SCEL: variants seen among roughly 807,000 people sequenced by gnomAD.
SCEL encodes the protein sciellin.
In SCEL, 113 loss-of-function variants were observed where a neutral mutation model predicts 117.6. The ratio of observed to expected loss-of-function variants is 0.96; its 90% CI spans 0.83 to 1.12. The LOEUF is 1.12. Ranked by LOEUF, SCEL falls within the 50% of genes most tolerant of loss-of-function variation. The probability of loss-of-function intolerance (pLI) is 0.00; values close to 1 mark genes in which losing one functional copy is unlikely to be tolerated. For synonymous variants in SCEL, 270 were observed against 256.2 expected, an observed-to-expected ratio of 1.05 and a Z score of -0.51; for missense variants, 785 against 810.8, an observed-to-expected ratio of 0.97 and a Z score of 0.39.
At chr13:77,625,148 A>ACCATCC (rs1056799585) in intron 27 of SCEL, among the ~76,000 whole-genome samples, 3 of 152,126 alleles carry the variant, frequency 2.0e-5, no homozygotes, top group Non-Finnish European at 4.4e-5. Context: ...ACCACTGCCC[A>ACCATCC]CCATCCCAGT....
chr13:77,624,847 G>A (rs1277005217), intron 27 of SCEL, among the ~76,000 whole-genome samples: 2 of 152,090 alleles, frequency 1.3e-5, no homozygotes, highest in African/African-American at 4.8e-5. Context: ...TTTCCCCCTG[G>A]GGTTCCTTTA....
chr13:77,602,255 T>C lies in SCEL; in HGVS notation c.977+131T>C, dbSNP rs574012204. ...TACTGCTTTGACCCATCAGACCTAG[T>C]AGGCAAAAGGAATATGTTGAGTGCT... On this transcript the variant is annotated intron_variant, in intron 16 of 32. Coordinates refer to ENST00000349847, the MANE Select transcript of SCEL (RefSeq NM_144777.3). 105 of 652,698 alleles carry C rather than the reference T, an allele frequency of 1.6e-4. No homozygotes were observed. The African/African-American group carries it at 1.8e-3, about 11-fold the overall frequency. 40.4% of individuals were successfully genotyped at this position (652,698 alleles called of 1,614,324 possible).
At chr13:77,549,896 G>C (rs2084205592) in intron 1 of SCEL, among the ~76,000 whole-genome samples, 1 of 152,068 alleles carries the variant, frequency 6.6e-6, no homozygotes, top group Admixed American at 6.5e-5. Context: ...ATGGGACTGG[G>C]ATAATCTTGT....
rs138813016 is a variant in SCEL, at chr13:77,553,024, T to C, written c.-19-2833T>C. On this transcript the variant is annotated intron_variant, in intron 1 of 32. Coordinates refer to ENST00000349847, the MANE Select transcript of SCEL (RefSeq NM_144777.3). Reference sequence around the variant, plus strand: ...GTCAAAGATCAGATAGTTGTAGATATGTGGTGTCAAGAACAGAACAAGAGC... The same window carrying C: ...GTCAAAGATCAGATAGTTGTAGATACGTGGTGTCAAGAACAGAACAAGAGC... Among the ~76,000 whole-genome samples, 53 of 152,328 alleles carry C rather than the reference T, an allele frequency of 3.5e-4. 2 individuals are homozygous for C. The East Asian group carries it at 9.2e-3, about 27-fold the overall frequency.
chr13:77,549,185 A>C (rs900636380), intron 1 of SCEL, among the ~76,000 whole-genome samples: 1 of 152,160 alleles, frequency 6.6e-6, no homozygotes, highest in Non-Finnish European at 1.5e-5. Context: ...CCAACAGTGT[A>C]TGAGAGTTCT....
intron 10 of SCEL, among the ~76,000 whole-genome samples, chr13:77,590,730 A>C (rs2086818743): frequency 6.6e-6 from 1 of 152,118 alleles, no homozygotes; most frequent in Admixed American, 6.5e-5. Flanking sequence ...ATTTTAATGA[A>C]AGAATATGAA....
At chr13:77,580,818 A>G (rs569108164) in intron 9 of SCEL, among the ~76,000 whole-genome samples, 37 of 152,288 alleles carry the variant, frequency 2.4e-4, no homozygotes, top group African/African-American at 7.5e-4. Flanking sequence ...GCATCTGGGA[A>G]AATTACCATA....
chr13:77,627,353 G>A (rs1244126537), intron 27 of SCEL, among the ~76,000 whole-genome samples: 1 of 152,162 alleles, frequency 6.6e-6, no homozygotes, highest in African/African-American at 2.4e-5. Flanking sequence ...ATGACACAAA[G>A]ATAGTACTCA....
At position 77,563,182 on chromosome 13, in the gene SCEL, T is replaced by G. The variant is rs184340119; in HGVS notation, c.222-649T>G. On this transcript the variant is annotated intron_variant, in intron 4 of 32. Coordinates refer to ENST00000349847, the MANE Select transcript of SCEL (RefSeq NM_144777.3). ...CCTCTCTTTGCCCTTGTCTCTCCTCTTCTTCTTCCTATCACTCTTCTCTCT... is the reference window on the plus strand; with the variant it reads ...CCTCTCTTTGCCCTTGTCTCTCCTCGTCTTCTTCCTATCACTCTTCTCTCT... Among the ~76,000 whole-genome samples, 259 of 152,178 alleles carry G rather than the reference T, an allele frequency of 1.7e-3. 2 individuals are homozygous for G. Among genetic ancestry groups the G allele is most frequent in the South Asian group, 2.5e-3 (12 of 4,810 alleles).
chr13:77,557,782 C>G (rs1250485248), intron 3 of SCEL, among the ~76,000 whole-genome samples: 1 of 152,134 alleles, frequency 6.6e-6, no homozygotes, highest in African/African-American at 2.4e-5. Context: ...CGGGACAGCT[C>G]CCATACAAAA....
At chr13:77,546,646 A>G (rs78057684) in intron 1 of SCEL, among the ~76,000 whole-genome samples, 2,486 of 152,010 alleles carry the variant, frequency 0.016, 76 homozygotes, top group African/African-American at 0.055. Flanking sequence ...GCTTAGTGAC[A>G]TGGAGGAAGA....
rs1594086638 is a variant in SCEL, at chr13:77,602,384, A to C, written c.977+260A>C. 8.3e-6 allele frequency: 4 copies of C among 483,196 alleles called. No individual in the cohort carries two copies. The East Asian group carries it at 9.6e-5, about 12-fold the overall frequency. 29.9% of individuals were successfully genotyped at this position (483,196 alleles called of 1,614,324 possible). Reference sequence around the variant, plus strand: ...TCTTAAATAATTAAGAGATGAGTCAAATTTTAATTTAAATTAAGAAATATA... The same window carrying C: ...TCTTAAATAATTAAGAGATGAGTCACATTTTAATTTAAATTAAGAAATATA... On this transcript the variant is annotated intron_variant, in intron 16 of 32. Transcript: ENST00000349847.
chr13:77,590,766 C>T (rs1232687060), intron 10 of SCEL, among the ~76,000 whole-genome samples: 1 of 151,982 alleles, frequency 6.6e-6, no homozygotes, highest in Non-Finnish European at 1.5e-5. Context: ...ATGTAATTAA[C>T]ACATGTCCTC....
chr13:77,571,682 T>G (rs914450518), intron 8 of SCEL, among the ~76,000 whole-genome samples: 3 of 147,718 alleles, frequency 2.0e-5, no homozygotes, highest in Non-Finnish European at 3.0e-5. Flanking sequence ...AGAGCGAAAC[T>G]CCGTCTCAAA....
chr13:77,549,943 C>A (rs545890523), intron 1 of SCEL, among the ~76,000 whole-genome samples: 1 of 151,388 alleles, frequency 6.6e-6, no homozygotes, highest in South Asian at 2.1e-4. Flanking sequence ...CTGGCAAAAC[C>A]GCACGGGCCA....
intron 15 of SCEL, among the ~76,000 whole-genome samples, chr13:77,600,279 C>T (rs1012889555): frequency 2.0e-5 from 3 of 152,096 alleles, no homozygotes; most frequent in African/African-American, 4.8e-5. Context: ...CAAGTGCCCG[C>T]CACCACGCCC....
Position 77,567,724 on chromosome 13 carries a change from C to T in SCEL, c.335C>T (p.Thr112Ile), listed in dbSNP as rs756715379. ...NDAAKTYKAN[T>I]LDNQLTNRSM... ...GCTGCTAAAACATATAAGGCCAATA[C>T]CTTGGATAACCAACTAACCAATAGG... The change falls in exon 6 of 33, where the codon ACC becomes ATC. Residue 112 changes from threonine (T) to isoleucine (I), a missense_variant. Transcript: ENST00000349847. The T allele has an allele frequency of 2.5e-6, 4 of 1,606,674 alleles. No individual in the cohort carries two copies. The highest frequency in any genetic ancestry group is 3.4e-6 in the Non-Finnish European group (4 of 1,176,178).
At chr13:77,597,952 A>C (rs2087352002) in intron 13 of SCEL, among the ~76,000 whole-genome samples, 1 of 150,774 alleles carries the variant, frequency 6.6e-6, no homozygotes, top group Non-Finnish European at 1.5e-5. Context: ...TATCATAGTT[A>C]ATGTTATATT....
At chr13:77,640,547 T>A in intron 30 of SCEL, 129 bp from the exon 31 acceptor site, 1 of 408,182 alleles carries the variant, frequency 2.4e-6, no homozygotes, top group Non-Finnish European at 4.4e-6. Flanking sequence ...ACTTTCCTTG[T>A]TTTTTTGTGA....
Sources: allele counts gnomAD v4.1 joint callset (sites outside exome capture counted in the v4.1 genomes callset), GRCh38; gene constraint gnomAD v4.1.1; transcripts MANE v1.5; gene names NCBI Gene and HGNC (gene_info 2026-07-23, HGNC 2026-07-21).